RABGEF1: variants seen among roughly 807,000 people sequenced by gnomAD.
RABGEF1 encodes the protein rab5 GDP/GTP exchange factor.
In RABGEF1, 26 loss-of-function variants were observed where a neutral mutation model predicts 57.3. The ratio of observed to expected loss-of-function variants is 0.45; its 90% CI spans 0.33 to 0.63. The LOEUF is 0.63. Ranked by LOEUF, RABGEF1 falls within the 20% of genes least tolerant of loss-of-function variation. RABGEF1 has a pLI of 0.02. For synonymous variants in RABGEF1, 185 were observed against 210.7 expected (o/e 0.88, Z 1.06); for missense variants, 464 against 607.6 (o/e 0.76, Z 2.48).
At chr7:66,782,977 G>A (rs1404712987) in intron 3 of RABGEF1, among the ~76,000 whole-genome samples, 3 of 152,112 alleles carry the variant, frequency 2.0e-5, no homozygotes, top group African/African-American at 7.2e-5. Flanking sequence ...ACATCCTTAT[G>A]TCTCTTGTGT....
At chr7:66,754,900 G>T (rs1407006555) in intron 1 of RABGEF1, among the ~76,000 whole-genome samples, 1 of 152,066 alleles carries the variant, frequency 6.6e-6, no homozygotes, top group East Asian at 1.9e-4. Context: ...TGAGCTGAGT[G>T]CATTGTCTCA....
intron 1 of RABGEF1, among the ~76,000 whole-genome samples, chr7:66,709,743 C>A (rs2117368916): frequency 6.6e-6 from 1 of 152,198 alleles, no homozygotes; most frequent in East Asian, 1.9e-4. Flanking sequence ...CCACTGCACT[C>A]CAGCCTGGGT....
chr7:66,802,697 G>C (rs1220636354), intron 7 of RABGEF1, among the ~76,000 whole-genome samples: 2 of 152,194 alleles, frequency 1.3e-5, no homozygotes, highest in Non-Finnish European at 2.9e-5. Context: ...TGCTAGGAAC[G>C]GGTCTCTGCA....
At chr7:66,793,505 C>T (rs1813215042) in intron 4 of RABGEF1, among the ~76,000 whole-genome samples, 2 of 152,156 alleles carry the variant, frequency 1.3e-5, no homozygotes, top group Admixed American at 1.3e-4. Flanking sequence ...GTTAGGAATG[C>T]TCAAATCTGT....
At chr7:66,666,567 G>A in the RABGEF1 span, among the ~76,000 whole-genome samples, 119 of 152,314 alleles carry the variant, frequency 7.8e-4, no homozygotes, top group Non-Finnish European at 1.4e-3. Context: ...TCCTGGCAGG[G>A]AGAGGGCTCG....
the RABGEF1 span, among the ~76,000 whole-genome samples, chr7:66,661,124 C>T: frequency 2.6e-5 from 4 of 151,706 alleles, no homozygotes; most frequent in African/African-American, 4.8e-5. Context: ...AGTGAAACCC[C>T]GTCTCTACTA....
intron 2 of RABGEF1, among the ~76,000 whole-genome samples, chr7:66,714,894 C>T (rs528966789): frequency 6.6e-6 from 1 of 152,270 alleles, no homozygotes; most frequent in African/African-American, 2.4e-5. Context: ...AAGATCCTGC[C>T]ACTGCACTCC....
intron 2 of RABGEF1, among the ~76,000 whole-genome samples, chr7:66,715,282 C>T (rs1261149987): frequency 6.6e-6 from 1 of 152,098 alleles, no homozygotes; most frequent in Non-Finnish European, 1.5e-5. Context: ...TATGTGCCAC[C>T]ATACCAGGCT....
chr7:66,779,054 G>A (rs1191033782), intron 3 of RABGEF1, among the ~76,000 whole-genome samples: 4 of 152,146 alleles, frequency 2.6e-5, no homozygotes. Context: ...AGTGGAGGTT[G>A]CAGTGAGCTG....
intron 2 of RABGEF1, among the ~76,000 whole-genome samples, chr7:66,723,797 C>T (rs1465436787): frequency 6.9e-6 from 1 of 145,372 alleles, no homozygotes; most frequent in African/African-American, 2.5e-5. Context: ...TCAGGCTGGT[C>T]TCGAACTCCT....
chr7:66,761,890 A>G (rs4718397), intron 1 of RABGEF1, among the ~76,000 whole-genome samples: 5,999 of 152,126 alleles, frequency 0.039, 166 homozygotes, highest in East Asian at 0.086. Context: ...ATCTCTACCT[A>G]AAATACAAAA....
At chr7:66,714,924 G>C (rs1167732642) in intron 2 of RABGEF1, among the ~76,000 whole-genome samples, 1 of 152,170 alleles carries the variant, frequency 6.6e-6, no homozygotes, top group Admixed American at 6.6e-5. Flanking sequence ...GACAGAGCGA[G>C]ACTCCGTCTC....
chr7:66,768,140 G>A (rs1408950135), intron 1 of RABGEF1, among the ~76,000 whole-genome samples: 1 of 152,228 alleles, frequency 6.6e-6, no homozygotes, highest in Admixed American at 6.5e-5. Context: ...GAGAGGGATT[G>A]CAAGCAAACG....
At chr7:66,784,882 A>G (rs955547311) in intron 4 of RABGEF1, among the ~76,000 whole-genome samples, 2 of 152,102 alleles carry the variant, frequency 1.3e-5, no homozygotes, top group African/African-American at 4.8e-5. Context: ...AGGAAACATG[A>G]TAGATATCCT....
intron 1 of RABGEF1, among the ~76,000 whole-genome samples, chr7:66,709,640 G>T (rs1333086964): frequency 6.6e-6 from 1 of 152,034 alleles, no homozygotes; most frequent in Admixed American, 6.6e-5. Context: ...TACGAAATTA[G>T]CCAGGCATCT....
intron 1 of RABGEF1, among the ~76,000 whole-genome samples, chr7:66,743,847 T>C (rs1799567000): frequency 6.6e-6 from 1 of 151,908 alleles, no homozygotes; most frequent in African/African-American, 2.4e-5. Context: ...CCCAGGGTGC[T>C]CTCCAACCCC....
chr7:66,764,546 A>G (rs773863461), intron 1 of RABGEF1, among the ~76,000 whole-genome samples: 1 of 152,140 alleles, frequency 6.6e-6, no homozygotes, highest in Non-Finnish European at 1.5e-5. Flanking sequence ...TATCATGAAA[A>G]TTTTACCTCT....
intron 7 of RABGEF1, among the ~76,000 whole-genome samples, chr7:66,801,715 C>T (rs1787327849): frequency 6.6e-6 from 1 of 152,118 alleles, no homozygotes; most frequent in Non-Finnish European, 1.5e-5. Context: ...TGACTGGATC[C>T]CATTCTGAAT....
chr7:66,692,910 G>C (rs546341371), intron 1 of RABGEF1, among the ~76,000 whole-genome samples: 1 of 151,956 alleles, frequency 6.6e-6, no homozygotes, highest in South Asian at 2.1e-4. Flanking sequence ...CCCCAGGCTT[G>C]AGGGCTGAGG....
Sources: gnomAD v4.1 joint callset for allele counts (sites outside exome capture counted in the v4.1 genomes callset) on GRCh38, gnomAD v4.1.1 for gene constraint, MANE v1.5 for transcripts, NCBI Gene and HGNC (gene_info 2026-07-23, HGNC 2026-07-21) for gene names.